The following ATP11A variants were observed in gnomAD, a reference collection of about 807,000 sequenced individuals.
The protein encoded by ATP11A is ATPase phospholipid transporting 11A, also known as phospholipid-transporting ATPase IH.
In ATP11A, 81 loss-of-function variants were observed where a neutral mutation model predicts 154.4. The observed-to-expected ratio is 0.52, with a 90% CI of 0.44 to 0.63. ATP11A has a LOEUF of 0.63. ATP11A is among the 30% of genes least tolerant of loss of function. ATP11A has a pLI of 0.00. For synonymous variants in ATP11A, 623 were observed against 585.9 expected (o/e 1.06, Z -0.91); for missense variants, 1,316 against 1,474.3 (o/e 0.89, Z 1.76).
chr13:112,860,233 A>G (rs2080061670), intron 23 of ATP11A, 54 bp from the exon 24 acceptor site: 1 of 1,568,138 alleles, frequency 6.4e-7, no homozygotes, highest in East Asian at 2.3e-5. Context: ...AAAAGATCCA[A>G]AAAGTTTGTA....
chr13:112,732,810 G>A (rs542592029), intron 1 of ATP11A, among the ~76,000 whole-genome samples: 2 of 152,136 alleles, frequency 1.3e-5, no homozygotes, highest in South Asian at 2.1e-4. Context: ...ATGGGGTTTC[G>A]CCATGTTGGC....
intron 28 of ATP11A, 103 bp downstream of exon 28, chr13:112,876,044 A>G (rs2080714798): frequency 7.3e-7 from 1 of 1,362,330 alleles, no homozygotes; most frequent in African/African-American, 1.4e-5. Context: ...GGATTTCATG[A>G]AACGTGATCA....
rs116824058 is a variant in ATP11A at position 112,813,167 on chromosome 13, A to G, written c.441+2441A>G. Reference sequence around the variant, plus strand: ...TCGGTCGTAATGGCTCAGGCCTTTGAGAGTGCTAGAGCGTCCTAGAAAAGC... The same window carrying G: ...TCGGTCGTAATGGCTCAGGCCTTTGGGAGTGCTAGAGCGTCCTAGAAAAGC... On this transcript the variant is annotated intron_variant, in intron 5 of 29. Transcript: ENST00000375645. Among the ~76,000 whole-genome samples, 1,344 of 152,326 alleles carry G rather than the reference A, an allele frequency of 8.8e-3. 16 individuals carry two copies. The highest frequency in any genetic ancestry group is 0.031 in the African/African-American group (1,302 of 41,572).
At position 112,754,524 on chromosome 13, in the gene ATP11A, C is replaced by CT. The variant is rs11399259; in HGVS notation, c.40-30609dup. ...AAAGCTGCATGCTTGGAAAGTGGTG[C>CT]TTAGAGCCAGGCAGGACTCACTGCG... is the stretch of plus-strand genomic sequence containing the variant. On this transcript the variant is annotated intron_variant, in intron 1 of 29. Transcript: ENST00000375645. The surrounding 1 kb of genome is among the most constrained non-coding windows in gnomAD (Gnocchi z 5.3). 0.22 allele frequency: 35,468 copies of CT among 160,228 alleles called. 5,252 individuals are homozygous for CT. Among genetic ancestry groups the CT allele is most frequent in the African/African-American group, 0.42 (17,446 of 41,458 alleles). 9.9% of individuals were successfully genotyped at this position (160,228 alleles called of 1,614,324 possible). A position where few individuals can be genotyped will look rare whatever the true frequency, so the allele number is the denominator to read the frequency against.
At position 112,785,690 on chromosome 13, in the gene ATP11A, TG is replaced by T. The variant is rs1033762803; in HGVS notation, c.162+439del. Among the ~76,000 whole-genome samples the T allele has an allele frequency of 7.2e-5, 11 of 151,844 alleles. No individual in the cohort carries two copies. The highest frequency in any genetic ancestry group is 1.9e-4 in the East Asian group (1 of 5,148). ...CAAACGCAGGCTGGACAGCAAAACCTGGGGGGAAATCTTTGAGCTTGTTCAC... is the reference window on the plus strand; with the variant it reads ...CAAACGCAGGCTGGACAGCAAAACCTGGGGGAAATCTTTGAGCTTGTTCAC... On this transcript the variant is annotated intron_variant, in intron 2 of 29. Coordinates refer to ENST00000375645, the MANE Select transcript of ATP11A (RefSeq NM_015205.3). This position sits in a 1 kb window ranked among gnomAD's most constrained non-coding sequence, Gnocchi z 4.8.
intron 5 of ATP11A, chr13:112,811,892 C>G (rs937537251): frequency 6.6e-6 from 1 of 152,224 alleles, no homozygotes; most frequent in Non-Finnish European, 1.5e-5. Context: ...AGGCATAAGC[C>G]ACCGCATCCG....
chr13:112,885,239 C>T lies in ATP11A; in HGVS notation c.*3373C>T, dbSNP rs199513865. ...TTCCTACACACGGACGTGTGATACA[C>T]ACATGCATGTACAGGTAAGCACACA... On this transcript the variant is annotated 3_prime_UTR_variant, in exon 30 of 30. Coordinates refer to ENST00000375645, the MANE Select transcript of ATP11A (RefSeq NM_015205.3). The T allele has an allele frequency of 1.1e-5, 1 of 90,622 alleles. No homozygotes were observed. The highest frequency in any genetic ancestry group is 2.4e-5 in the Non-Finnish European group (1 of 40,994). The allele number at this position is 90,622 out of a possible 1,614,324, so 5.6% of individuals were successfully genotyped here. A position where few individuals can be genotyped will look rare whatever the true frequency, so the allele number is the denominator to read the frequency against.
chr13:112,841,446 G>C (rs1487744191), intron 16 of ATP11A, among the ~76,000 whole-genome samples: 1 of 149,370 alleles, frequency 6.7e-6, no homozygotes, highest in African/African-American at 2.5e-5. Flanking sequence ...TTCAGGTGCA[G>C]AGGGGGCTCT....
chr13:112,805,451 G>A lies in ATP11A; in HGVS notation c.252+405G>A, dbSNP rs542214868. Among the ~76,000 whole-genome samples the A allele has an allele frequency of 8.5e-5, 13 of 152,284 alleles. No individual in the cohort carries two copies. The East Asian group carries it at 2.5e-3, about 29-fold the overall frequency. ...CTCGCCTGTAATCCCAGCACTCTGG[G>A]AGGATCACGAGGTCCAGAGATAGGG... On this transcript the variant is annotated intron_variant, in intron 3 of 29. Transcript: ENST00000375645.
In ATP11A at chr13:112,833,042, G is replaced by T. The variant is rs367801924; in HGVS notation, c.1559+19G>T. On this transcript the variant is annotated intron_variant, in intron 14 of 29. Transcript: ENST00000375645. ...TCCAGAGGTACGTCGCGGGCCAAGG[G>T]TCTGCCTGGGTTTCCTGATGTGACT... is the stretch of plus-strand genomic sequence containing the variant. 3.7e-6 allele frequency: 6 copies of T among 1,600,912 alleles called. No homozygotes were observed. The African/African-American group carries it at 6.7e-5, about 18-fold the overall frequency.
chr13:112,727,702 C>T (rs905646683), intron 1 of ATP11A, among the ~76,000 whole-genome samples: 1 of 152,314 alleles, frequency 6.6e-6, no homozygotes, highest in East Asian at 1.9e-4. Context: ...AGTCCCTGCC[C>T]GTTTTCTTGA....
intron 27 of ATP11A, 23 bp downstream of exon 27, chr13:112,873,699 A>C: frequency 6.4e-7 from 1 of 1,569,406 alleles, no homozygotes; most frequent in Non-Finnish European, 8.8e-7. Context: ...TAAGTAGCTG[A>C]TAATCTGATA....
intron 1 of ATP11A, among the ~76,000 whole-genome samples, chr13:112,777,035 C>T (rs150580877): frequency 3.9e-5 from 6 of 152,320 alleles, no homozygotes; most frequent in Admixed American, 6.5e-5. Context: ...CTCTGCACCG[C>T]GGGTTTGGAG....
chr13:112,816,243 G>A, intron 6 of ATP11A, 32 bp downstream of exon 6: 1 of 1,613,872 alleles, frequency 6.2e-7, no homozygotes, highest in Admixed American at 1.7e-5. Flanking sequence ...CTCCAGGGCA[G>A]GATCTTCCTG....
chr13:112,717,713 GT>G (rs1490829110), intron 1 of ATP11A: 3 of 152,226 alleles, frequency 2.0e-5, no homozygotes, highest in East Asian at 3.8e-4. Context: ...ATGGTCGTAG[GT>G]GAGAAAACAG....
intron 1 of ATP11A, among the ~76,000 whole-genome samples, chr13:112,701,916 T>C (rs1308411119): frequency 6.6e-6 from 1 of 152,048 alleles, no homozygotes; most frequent in African/African-American, 2.4e-5. Context: ...GCACTGTGCT[T>C]GTGTCTCGGC....
At chr13:112,731,980 G>A (rs74400820) in intron 1 of ATP11A, among the ~76,000 whole-genome samples, 1,906 of 151,754 alleles carry the variant, frequency 0.013, 21 homozygotes, top group Non-Finnish European at 0.018. Flanking sequence ...GGAAGGCATA[G>A]CGTGCGGGCA....
At position 112,875,437 on chromosome 13, in the gene ATP11A, G is replaced by A. The variant is rs1382938934; in HGVS notation, c.3162-339G>A. Among the ~76,000 whole-genome samples, 9 of 151,828 alleles carry A rather than the reference G, an allele frequency of 5.9e-5. No individual in the cohort carries two copies. The highest frequency in any genetic ancestry group is 4.6e-4 in the Admixed American group (7 of 15,258). On this transcript the variant is annotated intron_variant, in intron 27 of 29. Coordinates refer to ENST00000375645, the MANE Select transcript of ATP11A (RefSeq NM_015205.3). This position sits in a 1 kb window ranked among gnomAD's most constrained non-coding sequence, Gnocchi z 4.1. ...AGTGCTCGGGACGTCCTTCCCATCC[G>A]AGACTTCAAGATAGAAAAACATCCC...
chr13:112,760,110 G>A (rs748310630), intron 1 of ATP11A, among the ~76,000 whole-genome samples: 9 of 152,132 alleles, frequency 5.9e-5, no homozygotes, highest in African/African-American at 9.7e-5. Flanking sequence ...TCCCCGAGCC[G>A]GATTCCATTT....
Sources: gnomAD v4.1 joint callset for allele counts (sites outside exome capture counted in the v4.1 genomes callset) on GRCh38, gnomAD v4.1.1 for gene constraint, Gnocchi (gnomAD v3.1) non-coding constraint, MANE v1.5 for transcripts, NCBI Gene and HGNC (gene_info 2026-07-23, HGNC 2026-07-21) for gene names.